NFIC: variants seen among roughly 807,000 people sequenced by gnomAD.
NFIC encodes the protein nuclear factor 1 C-type.
A neutral mutation model predicts 54.4 loss-of-function variants in NFIC; 12 were observed. That is an observed-to-expected ratio of 0.22 (90% CI 0.14 to 0.36). The LOEUF is 0.36. Among genes scored for constraint, NFIC ranks in the 10% least tolerant of loss-of-function variants. NFIC has a pLI of 1.00. For missense variants in NFIC, 575 were observed against 718.2 expected, an observed-to-expected ratio of 0.80 and a Z score of 2.28; for synonymous variants, 322 against 319.2, an observed-to-expected ratio of 1.01 and a Z score of -0.09.
rs10617203 is a variant in NFIC, at chr19:3,465,430, TAAAAAAAAAAAAAA to T, written c.*2672_*2685del. 13 of 60,806 alleles carry T rather than the reference TAAAAAAAAAAAAAA, an allele frequency of 2.1e-4. No homozygotes were observed. The South Asian group carries it at 2.5e-3, about 12-fold the overall frequency. 3.8% of individuals were successfully genotyped at this position (60,806 alleles called of 1,614,324 possible). A position where few individuals can be genotyped will look rare whatever the true frequency, so the allele number is the denominator to read the frequency against. ...AATAAAAAATAAGAAAGTGAGAATC[TAAAAAAAAAAAAAA>T]AAAAAAAAAAGGAAGAAAAACCACG... On this transcript the variant is annotated 3_prime_UTR_variant, in exon 11 of 11. Transcript: ENST00000443272.
intron 2 of NFIC, among the ~76,000 whole-genome samples, chr19:3,423,693 G>A (rs926863627): frequency 1.4e-4 from 21 of 151,982 alleles, no homozygotes; most frequent in Middle Eastern, 3.4e-3. Context: ...GTCTGCCAAG[G>A]AACCTAATTA....
upstream of NFIC, among the ~76,000 whole-genome samples, chr19:3,363,259 A>ATTT (rs1568391856): frequency 4.2e-5 from 1 of 23,854 alleles, no homozygotes; most frequent in African/African-American, 2.4e-4. Flanking sequence ...ATATATATAT[A>ATTT]TATATATATA....
intron 2 of NFIC, 132 bp from the exon 3 acceptor site, chr19:3,424,974 G>T: frequency 1.2e-6 from 1 of 853,584 alleles, no homozygotes. Context: ...GGGCCTGGGT[G>T]TGTTTTGGGG....
rs2082665158 is a variant in NFIC at position 3,463,082 on chromosome 19, G to A, written c.*313G>A. 5 of 1,296,444 alleles carry A rather than the reference G, an allele frequency of 3.9e-6. No individual in the cohort carries two copies. The highest frequency in any genetic ancestry group is 3.1e-5 in the African/African-American group (2 of 65,360). The allele number at this position is 1,296,444 out of a possible 1,614,324, so 80.3% of individuals were successfully genotyped here. ...GAGGGCCAGGCCCCGCCACCCCCAC[G>A]GGAGACCCGGGACAGGGCGTCTTCC... On this transcript the variant is annotated 3_prime_UTR_variant, in exon 11 of 11. Transcript: ENST00000443272.
Position 3,370,517 on chromosome 19 carries a change from C to T in NFIC, c.30+3851C>T, listed in dbSNP as rs1259908819. On this transcript the variant is annotated intron_variant, in intron 1 of 10. Transcript: ENST00000443272. This position sits in a 1 kb window ranked among gnomAD's most constrained non-coding sequence, Gnocchi z 5.2. ...TCTCTCTCTCTGTCTCCCTCCCTTT[C>T]TCCCCCCATCTCGCTCTCTCCTCCT... Among the ~76,000 whole-genome samples the T allele has an allele frequency of 6.6e-6, 1 of 150,964 alleles. No homozygotes were observed. The highest frequency in any genetic ancestry group is 1.5e-5 in the Non-Finnish European group (1 of 67,620).
At chr19:3,366,820 T>TG (rs913612357) in intron 1 of NFIC, among the ~76,000 whole-genome samples, 154 bp downstream of exon 1, 2 of 150,440 alleles carry the variant, frequency 1.3e-5, no homozygotes, top group African/African-American at 4.9e-5. Flanking sequence ...TGGGGTCCGG[T>TG]GGGGGGATGG....
rs542384546 is a variant in NFIC at position 3,456,485 on chromosome 19, G to T, written c.1424-65G>T. ...CCTGGCGGTGGCCACCCTCTCTGGG[G>T]CCAGGGCCGCCCCGGCTCCCACAAC... On this transcript the variant is annotated intron_variant, in intron 9 of 10. Coordinates refer to ENST00000443272, the MANE Select transcript of NFIC (RefSeq NM_001245002.2). 6.2e-5 allele frequency: 93 copies of T among 1,506,748 alleles called. 2 individuals carry two copies. In the South Asian group the frequency reaches 1.1e-3, roughly 18 times the overall value. The allele number at this position is 1,506,748 out of a possible 1,614,324, so 93.3% of individuals were successfully genotyped here. A position where few individuals can be genotyped will look rare whatever the true frequency, so the allele number is the denominator to read the frequency against.
chr19:3,461,926 C>T (rs999611598), intron 10 of NFIC, among the ~76,000 whole-genome samples: 6 of 150,608 alleles, frequency 4.0e-5, no homozygotes, highest in Admixed American at 1.3e-4. Flanking sequence ...TGGTGGCATG[C>T]GCCTGTAATC....
At chr19:3,378,263 A>G (rs1183674291) in intron 1 of NFIC, among the ~76,000 whole-genome samples, 2 of 143,948 alleles carry the variant, frequency 1.4e-5, no homozygotes, top group African/African-American at 2.6e-5. Context: ...CTCTGTCTCA[A>G]AAAAAAAAAA....
intron 9 of NFIC, among the ~76,000 whole-genome samples, chr19:3,454,999 C>G (rs2082529739): frequency 6.6e-6 from 1 of 152,224 alleles, no homozygotes; most frequent in South Asian, 2.1e-4. Context: ...CAGGTGTCTT[C>G]CCCTCTCTGA....
At chr19:3,427,178 G>A (rs950180276) in intron 3 of NFIC, among the ~76,000 whole-genome samples, 1 of 151,902 alleles carries the variant, frequency 6.6e-6, no homozygotes, top group Non-Finnish European at 1.5e-5. Context: ...CACCCGCCTC[G>A]GCCTCCCAAA....
At chr19:3,435,633 A>G (rs554279911) in intron 6 of NFIC, among the ~76,000 whole-genome samples, 4 of 149,984 alleles carry the variant, frequency 2.7e-5, no homozygotes, top group African/African-American at 9.8e-5. Context: ...ATCCCTTCTC[A>G]TTGGGGTCCT....
rs531827542 is a variant in NFIC, at chr19:3,433,103, T to C, written c.635-415T>C. ...CCTCAGCCTCCTGAGTAGCTGGGAC[T>C]ACAGGCACGGACCACAACACCTGGC... On this transcript the variant is annotated intron_variant, in intron 3 of 10. Coordinates refer to ENST00000443272, the MANE Select transcript of NFIC (RefSeq NM_001245002.2). Among the ~76,000 whole-genome samples, 18 of 152,290 alleles carry C rather than the reference T, an allele frequency of 1.2e-4. 1 individual carries two copies. The South Asian group carries it at 3.1e-3, about 26-fold the overall frequency.
At chr19:3,426,925 CTTT>C (rs547112160) in intron 3 of NFIC, among the ~76,000 whole-genome samples, 5 of 137,598 alleles carry the variant, frequency 3.6e-5, no homozygotes, top group Admixed American at 7.3e-5. Flanking sequence ...TACCCTCAAT[CTTT>C]TTTTTTTTTT....
upstream of NFIC, among the ~76,000 whole-genome samples, chr19:3,361,958 G>GTC (rs1355728508): frequency 6.6e-6 from 1 of 152,120 alleles, no homozygotes; most frequent in Non-Finnish European, 1.5e-5. Context: ...AGAGACAGAC[G>GTC]TCACACACAC....
chr19:3,448,513 AG>A (rs2082406119), intron 6 of NFIC, among the ~76,000 whole-genome samples: 2 of 152,146 alleles, frequency 1.3e-5, no homozygotes, highest in Admixed American at 1.3e-4. Context: ...AAGTCACTGC[AG>A]AGGGGGGATG....
intron 9 of NFIC, chr19:3,454,179 G>T (rs943574964): frequency 8.0e-7 from 1 of 1,256,566 alleles, no homozygotes; most frequent in African/African-American, 1.6e-5. Flanking sequence ...GGGGGACCCC[G>T]GTGCCCGCCG....
chr19:3,452,571 A>G lies in NFIC; in HGVS notation c.1174A>G (p.Thr392Ala). ...GACGGCCTCCACCTACTTCCCCCAC[A>G]CGGCCATCCGCTACCCACCTCATCT... ...PQTASTYFPH[T>A]AIRYPPHLNP... Residue 392 changes from threonine to alanine, a missense_variant, in exon 8 of 11, where the codon ACG becomes GCG. By Grantham distance (58) the Thr-to-Ala change is moderately conservative. Coordinates refer to ENST00000443272, the MANE Select transcript of NFIC (RefSeq NM_001245002.2). This position sits in a 1 kb window ranked among gnomAD's most constrained non-coding sequence, Gnocchi z 5.3. 6.2e-7 allele frequency: 1 copy of G among 1,613,450 alleles called. No homozygotes were observed. Among genetic ancestry groups the G allele is most frequent in the Non-Finnish European group, 8.5e-7 (1 of 1,179,908 alleles).
intron 2 of NFIC, among the ~76,000 whole-genome samples, chr19:3,392,630 G>T (rs1259706365): frequency 6.6e-6 from 1 of 152,202 alleles, no homozygotes; most frequent in Non-Finnish European, 1.5e-5. Flanking sequence ...GATGCCCCCC[G>T]TTATGGCTGG....
Sources: allele counts gnomAD v4.1 joint callset (sites outside exome capture counted in the v4.1 genomes callset), GRCh38; gene constraint gnomAD v4.1.1; non-coding constraint Gnocchi (gnomAD v3.1); transcripts MANE v1.5; gene names NCBI Gene and HGNC (gene_info 2026-07-23, HGNC 2026-07-21).